Variants in MALT1 observed in about 807,000 individuals in gnomAD.
The protein encoded by MALT1 is mucosa-associated lymphoid tissue lymphoma translocation protein 1.
In MALT1, 36 loss-of-function variants were observed where a neutral mutation model predicts 85.5. The observed-to-expected ratio is 0.42, with a 90% CI of 0.32 to 0.56. The LOEUF (loss-of-function observed/expected upper bound fraction) is 0.56. Among genes scored for constraint, MALT1 ranks in the 20% least tolerant of loss-of-function variants. The pLI, the probability that MALT1 is intolerant of heterozygous loss-of-function variation, is 0.10. For missense variants in MALT1, 716 were observed against 981.6 expected (o/e 0.73, Z 3.62); for synonymous variants, 359 against 361.3 (o/e 0.99, Z 0.07).
intron 2 of MALT1, among the ~76,000 whole-genome samples, chr18:58,684,335 A>G (rs944084045): frequency 2.6e-5 from 4 of 152,114 alleles, no homozygotes; most frequent in African/African-American, 7.2e-5. Flanking sequence ...TATTGATTTA[A>G]CAGCAAACAT....
chr18:58,709,589 G>A (rs2054804168), intron 5 of MALT1, 33 bp downstream of exon 5: 1 of 1,534,046 alleles, frequency 6.5e-7, no homozygotes, highest in South Asian at 1.2e-5. Context: ...TTTTGGGGGA[G>A]TTAACATGTA....
intron 1 of MALT1, among the ~76,000 whole-genome samples, chr18:58,675,970 C>T (rs761780605): frequency 3.9e-5 from 6 of 152,218 alleles, no homozygotes; most frequent in Admixed American, 6.5e-5. Context: ...CCAAAAACTT[C>T]GAATTCATTC....
chr18:58,685,558 C>A (rs191801849), intron 2 of MALT1, among the ~76,000 whole-genome samples: 24 of 152,214 alleles, frequency 1.6e-4, no homozygotes, highest in African/African-American at 5.1e-4. Flanking sequence ...TGATGAGGAC[C>A]CAGCTTCAGC....
At chr18:58,677,630 A>G (rs2144301008) in intron 1 of MALT1, 1 of 152,268 alleles carries the variant, frequency 6.6e-6, no homozygotes. Context: ...TTCTTAAAAG[A>G]AAGAACACTT....
Position 58,681,333 on chromosome 18 carries a change from C to G in MALT1, c.373C>G (p.Pro125Ala), listed in dbSNP as rs1229080166. Reference sequence around the variant, plus strand: ...TGAAGTTCTTCAGCTTCTCAGCCCCCCAGGTAGGTTTTGTTCTTAGGATTA... The same window carrying G: ...TGAAGTTCTTCAGCTTCTCAGCCCCGCAGGTAGGTTTTGTTCTTAGGATTA... Reference protein sequence around the residue: ...HTEVLQLLSPPGIKITVNPES... With the variant: ...HTEVLQLLSPAGIKITVNPES... Residue 125 changes from proline (P) to alanine (A), a missense_variant, in exon 2 of 17, where the codon CCA becomes GCA. Physicochemically the swap from Pro to Ala is conservative, Grantham distance 27. Transcript: ENST00000649217. 3 of 1,612,236 alleles carry G rather than the reference C, an allele frequency of 1.9e-6. No homozygotes were observed. Among genetic ancestry groups the G allele is most frequent in the Non-Finnish European group, 1.7e-6 (2 of 1,179,230 alleles).
intron 7 of MALT1, among the ~76,000 whole-genome samples, chr18:58,711,402 T>C (rs2054829175): frequency 6.6e-6 from 1 of 152,226 alleles, no homozygotes; most frequent in South Asian, 2.1e-4. Context: ...AGAGGAGATT[T>C]ATTGTTTAAC....
intron 4 of MALT1, among the ~76,000 whole-genome samples, chr18:58,705,594 G>GATAGTTTACTGAGAATGATGATTTCC (rs1471481747): frequency 6.8e-6 from 1 of 146,886 alleles, no homozygotes; most frequent in East Asian, 2.0e-4. Context: ...TTGTTCTTGC[G>GATAGTTTACTGAGAATGATGATTTCC]ATAGTTTACT....
chr18:58,692,564 A>G (rs557925983), intron 2 of MALT1, among the ~76,000 whole-genome samples: 31 of 151,916 alleles, frequency 2.0e-4, no homozygotes, highest in Non-Finnish European at 3.2e-4. Context: ...TAACCCTACA[A>G]TCGTCTCTAA....
intron 2 of MALT1, chr18:58,691,203 A>T: frequency 3.3e-6 from 1 of 304,506 alleles, no homozygotes; most frequent in Non-Finnish European, 6.4e-6. Flanking sequence ...TCAGGAATGC[A>T]ATGTTTCTGA....
rs1315088263 is a variant in MALT1 at position 58,747,652 on chromosome 18, A to G, written c.2285A>G (p.His762Arg). ...CAAGACCCATTCCATGGTGTTTACC[A>G]TTCACATCCTGGTAATCCAAGTAAT... ...SLQDPFHGVY[H>R]SHPGNPSNVT... The change falls in exon 17 of 17, where the codon CAT becomes CGT. Residue 762 changes from histidine (H) to arginine (R), a missense_variant. Physicochemically the swap from His to Arg is conservative, Grantham distance 29. Coordinates refer to ENST00000649217, the MANE Select transcript of MALT1 (RefSeq NM_006785.4). 5.0e-6 allele frequency: 8 copies of G among 1,614,212 alleles called. No homozygotes were observed. The highest frequency in any genetic ancestry group is 6.8e-6 in the Non-Finnish European group (8 of 1,180,038).
chr18:58,745,862 C>T, intron 16 of MALT1, 71 bp downstream of exon 16: 1 of 1,370,204 alleles, frequency 7.3e-7, no homozygotes, highest in Non-Finnish European at 1.0e-6. Context: ...TTGGCATAGA[C>T]CATAGATATG....
intron 7 of MALT1, among the ~76,000 whole-genome samples, chr18:58,711,809 AC>A (rs1487499016): frequency 6.6e-6 from 1 of 152,196 alleles, no homozygotes; most frequent in African/African-American, 2.4e-5. Flanking sequence ...ACTCTGAAAT[AC>A]TATAATTACT....
chr18:58,695,459 G>C (rs1453578553), intron 2 of MALT1, among the ~76,000 whole-genome samples: 1 of 152,172 alleles, frequency 6.6e-6, no homozygotes, highest in Non-Finnish European at 1.5e-5. Flanking sequence ...AGGAATGTTT[G>C]TGTCACAGGT....
intron 10 of MALT1, among the ~76,000 whole-genome samples, chr18:58,731,990 T>A (rs1003274546): frequency 6.6e-6 from 1 of 152,166 alleles, no homozygotes; most frequent in Non-Finnish European, 1.5e-5. Flanking sequence ...CTCATTTTAA[T>A]CGAAATTCAG....
intron 11 of MALT1, chr18:58,734,064 C>T: frequency 1.5e-6 from 2 of 1,307,186 alleles, no homozygotes; most frequent in Non-Finnish European, 9.7e-7. Context: ...TTTTTGCTTG[C>T]TCAGCATTTA....
intron 10 of MALT1, among the ~76,000 whole-genome samples, chr18:58,731,626 C>G (rs1297892460): frequency 2.0e-5 from 3 of 152,234 alleles, no homozygotes; most frequent in East Asian, 3.8e-4. Context: ...CATTCCCTCT[C>G]TTAAGACCAT....
chr18:58,681,629 C>CT (rs1334154758), intron 2 of MALT1, among the ~76,000 whole-genome samples: 2 of 151,996 alleles, frequency 1.3e-5, no homozygotes, highest in Non-Finnish European at 2.9e-5. Flanking sequence ...GGAGAATGTC[C>CT]TTTTTTTAAA....
chr18:58,690,430 G>T, intron 2 of MALT1: 1 of 157,636 alleles, frequency 6.3e-6, no homozygotes, highest in South Asian at 1.8e-4. Context: ...TCGGGGCCCC[G>T]AGAGGTGGAG....
chr18:58,739,017 TTTTTTGAAAATTTTTATTATGAA>T (rs1408972099), intron 13 of MALT1, among the ~76,000 whole-genome samples: 1 of 152,164 alleles, frequency 6.6e-6, no homozygotes, highest in East Asian at 1.9e-4. Context: ...TTCTCTTAAT[TTTTTTGAAAATTTTTATTATGAA>T]TAAATGAACA....
Sources: gnomAD v4.1 joint callset for allele counts (sites outside exome capture counted in the v4.1 genomes callset) on GRCh38, gnomAD v4.1.1 for gene constraint, MANE v1.5 for transcripts, NCBI Gene and HGNC (gene_info 2026-07-23, HGNC 2026-07-21) for gene names.